Variants in AGBL1 observed in about 807,000 individuals in gnomAD.
The protein encoded by AGBL1 is cytosolic carboxypeptidase 4.
Under a neutral mutation model 118.9 loss-of-function variants are expected in AGBL1, and 130 were observed. The observed-to-expected ratio is 1.09, with a 90% CI of 0.95 to 1.26. AGBL1 has a LOEUF of 1.26. Ranked by LOEUF, AGBL1 falls within the 50% of genes most tolerant of loss-of-function variation. The probability of loss-of-function intolerance (pLI) is 0.00; values close to 1 mark genes in which losing one functional copy is unlikely to be tolerated. For missense variants in AGBL1, 1,584 were observed against 1,298.1 expected, an observed-to-expected ratio of 1.22 and a Z score of -3.38; for synonymous variants, 555 against 478.9, an observed-to-expected ratio of 1.16 and a Z score of -2.08.
At chr15:86,905,007 C>G (rs2080262684) in intron 22 of AGBL1, among the ~76,000 whole-genome samples, 1 of 152,000 alleles carries the variant, frequency 6.6e-6, no homozygotes, top group Non-Finnish European at 1.5e-5. Context: ...TTTGTAAAGA[C>G]TCATATTTAG....
rs1009019366 is a variant in AGBL1, at chr15:86,228,013, C to T, written c.526+3062C>T. Among the ~76,000 whole-genome samples the T allele has an allele frequency of 8.5e-5, 13 of 152,254 alleles. No individual in the cohort carries two copies. In the East Asian group the frequency reaches 2.1e-3, roughly 25 times the overall value. ...TGGATTTGGGGAGAAGTAATAACAGCATGCTAGGCAGCTGCCGTCTTTGTT... is the reference window on the plus strand; with the variant it reads ...TGGATTTGGGGAGAAGTAATAACAGTATGCTAGGCAGCTGCCGTCTTTGTT... On this transcript the variant is annotated intron_variant, in intron 6 of 22. Transcript: ENST00000614907.
intron 1 of AGBL1, among the ~76,000 whole-genome samples, chr15:86,124,577 C>T (rs79094582): frequency 0.012 from 1,899 of 152,166 alleles, 18 homozygotes; most frequent in Non-Finnish European, 0.016. Flanking sequence ...TTTCTCTCCA[C>T]GCAGATTTCT....
intron 4 of AGBL1, among the ~76,000 whole-genome samples, chr15:86,157,226 G>A (rs150210736): frequency 1.1e-4 from 17 of 152,222 alleles, no homozygotes; most frequent in African/African-American, 3.4e-4. Context: ...CCTATCTCCC[G>A]TATATTGACC....
chr15:86,475,827 A>T (rs1238649317), intron 18 of AGBL1, among the ~76,000 whole-genome samples: 1 of 152,234 alleles, frequency 6.6e-6, no homozygotes, highest in Non-Finnish European at 1.5e-5. Context: ...CCAGAAAGAA[A>T]GGTCGGGTTA....
At chr15:86,278,864 C>G (rs989744091) in intron 15 of AGBL1, among the ~76,000 whole-genome samples, 1 of 152,190 alleles carries the variant, frequency 6.6e-6, no homozygotes, top group Non-Finnish European at 1.5e-5. Flanking sequence ...ATACTGTTCT[C>G]TGAAGTATCA....
At chr15:86,272,530 A>G (rs1301609423) in intron 15 of AGBL1, among the ~76,000 whole-genome samples, 2 of 152,248 alleles carry the variant, frequency 1.3e-5, no homozygotes, top group African/African-American at 4.8e-5. Flanking sequence ...CCTCTAAAAA[A>G]GTATGATCAG....
chr15:86,880,877 TAC>T (rs2079882210), intron 22 of AGBL1, among the ~76,000 whole-genome samples: 1 of 152,152 alleles, frequency 6.6e-6, no homozygotes, highest in Non-Finnish European at 1.5e-5. Flanking sequence ...ACTTCCCTGT[TAC>T]AGCCTCCGTG....
At chr15:87,024,011 A>C (rs1357251439) in intron 24 of AGBL1, among the ~76,000 whole-genome samples, 1 of 152,022 alleles carries the variant, frequency 6.6e-6, no homozygotes, top group Non-Finnish European at 1.5e-5. Flanking sequence ...CATAGCACTA[A>C]ATACCTACAT....
chr15:87,004,943 T>G (rs2081482740), intron 24 of AGBL1, among the ~76,000 whole-genome samples: 1 of 152,184 alleles, frequency 6.6e-6, no homozygotes, highest in Non-Finnish European at 1.5e-5. Flanking sequence ...TCTCCTTTAC[T>G]TATGAAGCTT....
chr15:86,179,575 A>G (rs1004027624), intron 5 of AGBL1, among the ~76,000 whole-genome samples: 2 of 152,214 alleles, frequency 1.3e-5, no homozygotes, highest in African/African-American at 4.8e-5. Flanking sequence ...AATCACATCT[A>G]TGAAAACTGT....
chr15:86,438,843 G>A (rs562634114), intron 18 of AGBL1, among the ~76,000 whole-genome samples: 2 of 151,930 alleles, frequency 1.3e-5, no homozygotes, highest in South Asian at 4.2e-4. Flanking sequence ...TATATTTTTA[G>A]TAGAATCGGG....
chr15:86,665,391 G>A (rs80347317), intron 21 of AGBL1, among the ~76,000 whole-genome samples: 1,860 of 151,842 alleles, frequency 0.012, 29 homozygotes, highest in Middle Eastern at 0.027. Flanking sequence ...GAATGTAACA[G>A]TGACTGTTTC....
intron 23 of AGBL1, among the ~76,000 whole-genome samples, chr15:86,963,984 C>G (rs1216355651): frequency 6.7e-6 from 1 of 149,566 alleles, no homozygotes; most frequent in East Asian, 2.0e-4. Context: ...AGCAATCAGA[C>G]TAATGGAAGA....
chr15:86,290,760 T>G (rs1463988229), intron 16 of AGBL1, among the ~76,000 whole-genome samples: 1 of 152,032 alleles, frequency 6.6e-6, no homozygotes, highest in Non-Finnish European at 1.5e-5. Context: ...TACATATGTA[T>G]ACATGTGCCA....
chr15:86,722,351 C>G (rs899086231), intron 22 of AGBL1, among the ~76,000 whole-genome samples: 1 of 152,098 alleles, frequency 6.6e-6, no homozygotes. Context: ...GAAATAATGC[C>G]GCATATCTAC....
At chr15:86,815,712 T>C (rs1596509009) in intron 22 of AGBL1, among the ~76,000 whole-genome samples, 2 of 149,998 alleles carry the variant, frequency 1.3e-5, no homozygotes, top group African/African-American at 2.4e-5. Context: ...CTTTCTGATA[T>C]ATTTAGAGAG....
At chr15:86,465,162 T>G (rs968221188) in intron 18 of AGBL1, among the ~76,000 whole-genome samples, 1 of 152,188 alleles carries the variant, frequency 6.6e-6, no homozygotes, top group African/African-American at 2.4e-5. Context: ...TTCCCCAAAT[T>G]AATACTTTTA....
At chr15:86,819,074 T>C (rs190649281) in intron 22 of AGBL1, among the ~76,000 whole-genome samples, 5 of 152,042 alleles carry the variant, frequency 3.3e-5, no homozygotes, top group Admixed American at 2.6e-4. Flanking sequence ...TGGAAGTCTT[T>C]CCAGACAAAA....
At chr15:86,631,601 C>G (rs993389044) in intron 21 of AGBL1, among the ~76,000 whole-genome samples, 2 of 152,190 alleles carry the variant, frequency 1.3e-5, no homozygotes, top group South Asian at 4.1e-4. Context: ...TTATCTCTTG[C>G]ATCCTTTCTC....
Sources: allele counts gnomAD v4.1 joint callset (sites outside exome capture counted in the v4.1 genomes callset), GRCh38; gene constraint gnomAD v4.1.1; transcripts MANE v1.5; gene names NCBI Gene and HGNC (gene_info 2026-07-23, HGNC 2026-07-21).